The following GNG7 variants were observed in gnomAD, a reference collection of about 807,000 sequenced individuals.
GNG7 encodes guanine nucleotide-binding protein G(I)/G(S)/G(O) subunit gamma-7.
A neutral mutation model predicts 4.0 loss-of-function variants in GNG7; 1 was observed. That is an observed-to-expected ratio of 0.25 (90% CI 0.09 to 1.18). GNG7 has a LOEUF of 1.18. Among genes scored for constraint, GNG7 ranks in the 50% most tolerant of loss-of-function variants. The pLI is 0.50. For synonymous variants in GNG7, 34 were observed against 36.9 expected (o/e 0.92, Z 0.29); for missense variants, 86 against 91.9 (o/e 0.94, Z 0.26).
chr19:2,602,328 C>G (rs2907921), intron 2 of GNG7, among the ~76,000 whole-genome samples: 109,623 of 151,968 alleles, frequency 0.72, 39,597 homozygotes, highest in Middle Eastern at 0.76. Flanking sequence ...CAGAGCGAGA[C>G]TCCGTCTCAA....
chr19:2,694,728 G>A (rs565998610), intron 1 of GNG7, among the ~76,000 whole-genome samples: 21 of 151,816 alleles, frequency 1.4e-4, no homozygotes, highest in South Asian at 2.1e-4. Context: ...ATCATGGGAC[G>A]CGGAGTCTCT....
intron 2 of GNG7, among the ~76,000 whole-genome samples, chr19:2,605,726 A>C (rs532012649): frequency 0.014 from 2,152 of 149,660 alleles, 40 homozygotes; most frequent in African/African-American, 0.043. Flanking sequence ...GTTGGCCAGC[A>C]TGGTCTCGAT....
chr19:2,562,290 C>CTT (rs5826772), intron 2 of GNG7, among the ~76,000 whole-genome samples: 8 of 116,166 alleles, frequency 6.9e-5, no homozygotes, highest in African/African-American at 1.4e-4. Context: ...CTTTTTCTTT[C>CTT]TTTTTTTTTT....
intron 1 of GNG7, among the ~76,000 whole-genome samples, chr19:2,658,261 G>A (rs920012921): frequency 6.6e-6 from 1 of 151,982 alleles, no homozygotes; most frequent in African/African-American, 2.4e-5. Flanking sequence ...CTTACATCTG[G>A]GGTCTGCAAA....
chr19:2,605,560 C>T (rs1184380610), intron 2 of GNG7, among the ~76,000 whole-genome samples: 37 of 123,764 alleles, frequency 3.0e-4, no homozygotes, highest in African/African-American at 1.1e-3. Flanking sequence ...GTTGCCCAGG[C>T]TGGAGTGCAG....
At chr19:2,520,561 C>T in intron 4 of GNG7, 47 bp downstream of exon 4, 6 of 1,084,718 alleles carry the variant, frequency 5.5e-6, no homozygotes, top group Non-Finnish European at 8.3e-6. Flanking sequence ...ATTTGCGGGG[C>T]CCCCAAGGGT....
Position 2,611,008 on chromosome 19 carries a change from G to GGGGC in GNG7, c.-78+35215_-78+35216insGCCC, listed in dbSNP as rs1555697678. 6.5e-5 allele frequency: 7 copies of GGGGC among 107,744 alleles called. No individual in the cohort carries two copies. Among genetic ancestry groups the GGGGC allele is most frequent in the African/African-American group, 3.2e-4 (7 of 21,638 alleles). 6.7% of individuals were successfully genotyped at this position (107,744 alleles called of 1,614,324 possible). On this transcript the variant is annotated intron_variant, in intron 2 of 4. Coordinates refer to ENST00000382159, the MANE Select transcript of GNG7 (RefSeq NM_052847.3). This position sits in a 1 kb window ranked among gnomAD's most constrained non-coding sequence, Gnocchi z 6.0. The stretch of plus-strand genomic sequence containing the variant: ...AACGGGCTCACGTGCCAGGCTCGGG[G>GGGGC]GGGGGGAAGCGTCCTCAACATTCTC...
chr19:2,634,367 A>C lies in GNG7; in HGVS notation c.-78+11857T>G, dbSNP rs1242397523. 6.6e-6 allele frequency among the ~76,000 whole-genome samples: 1 copy of C among 152,144 alleles called. No individual in the cohort carries two copies. Among genetic ancestry groups the C allele is most frequent in the Non-Finnish European group, 1.5e-5 (1 of 68,032 alleles). ...GTCGCGAAAACCACAGATGTCCCAG[A>C]AATTGCTCAGTGTCCCCGGGGTTGG... is the stretch of plus-strand genomic sequence containing the variant. On this transcript the variant is annotated intron_variant, in intron 2 of 4. Transcript: ENST00000382159. This position sits in a 1 kb window ranked among gnomAD's most constrained non-coding sequence, Gnocchi z 5.3.
intron 2 of GNG7, among the ~76,000 whole-genome samples, chr19:2,572,655 A>C (rs1599398785): frequency 4.7e-5 from 6 of 127,266 alleles, no homozygotes; most frequent in African/African-American, 1.2e-4. Flanking sequence ...CTACAGTGGC[A>C]CCTCCTTATC....
chr19:2,551,851 T>A (rs1472419230), intron 3 of GNG7, among the ~76,000 whole-genome samples: 1 of 151,708 alleles, frequency 6.6e-6, no homozygotes, highest in African/African-American at 2.4e-5. Flanking sequence ...GCCCGGCTAA[T>A]TTTTTTTATT....
intron 1 of GNG7, among the ~76,000 whole-genome samples, chr19:2,695,136 A>T (rs999599927): frequency 6.6e-6 from 1 of 151,890 alleles, no homozygotes; most frequent in Non-Finnish European, 1.5e-5. Flanking sequence ...GGCTGAGAAA[A>T]TGTGTGGTGA....
At chr19:2,605,785 G>T (rs571437890) in intron 2 of GNG7, among the ~76,000 whole-genome samples, 15 of 150,878 alleles carry the variant, frequency 9.9e-5, no homozygotes, top group South Asian at 4.2e-4. Context: ...GTGCTGGGAT[G>T]ACAGGTGTGA....
At chr19:2,540,317 A>G (rs1978916845) in intron 3 of GNG7, among the ~76,000 whole-genome samples, 1 of 151,444 alleles carries the variant, frequency 6.6e-6, no homozygotes, top group Admixed American at 6.6e-5. Context: ...TGCCCCCCTA[A>G]TTTTTTAATT....
At chr19:2,516,461 T>A (rs1437867528) in intron 4 of GNG7, among the ~76,000 whole-genome samples, 2 of 152,052 alleles carry the variant, frequency 1.3e-5, no homozygotes, top group Non-Finnish European at 2.9e-5. Context: ...TAACTTCAAG[T>A]GATCCACCTG....
intron 2 of GNG7, among the ~76,000 whole-genome samples, chr19:2,621,003 C>T (rs1194194646): frequency 6.6e-6 from 1 of 152,172 alleles, no homozygotes; most frequent in Admixed American, 6.5e-5. Context: ...AGAGGTGGTA[C>T]GACTCATACA....
At chr19:2,696,010 A>G (rs7248619) in intron 1 of GNG7, among the ~76,000 whole-genome samples, 10,184 of 151,880 alleles carry the variant, frequency 0.067, 635 homozygotes, top group African/African-American at 0.17. Context: ...CATAAAAATT[A>G]TCTGGGTGTG....
At position 2,633,406 on chromosome 19, in the gene GNG7, C is replaced by T. The variant is rs1052529410; in HGVS notation, c.-78+12818G>A. Among the ~76,000 whole-genome samples, 1 of 152,070 alleles carries T rather than the reference C, an allele frequency of 6.6e-6. No individual in the cohort carries two copies. The highest frequency in any genetic ancestry group is 1.5e-5 in the Non-Finnish European group (1 of 68,018). ...CAAGGCTCGATGAATCTGCCGATGA[C>T]CAAGTTGGTGCCTCATCCCTCGTTC... On this transcript the variant is annotated intron_variant, in intron 2 of 4. Coordinates refer to ENST00000382159, the MANE Select transcript of GNG7 (RefSeq NM_052847.3). The surrounding 1 kb of genome is among the most constrained non-coding windows in gnomAD (Gnocchi z 5.9).
At chr19:2,583,194 G>A (rs1252644322) in intron 2 of GNG7, among the ~76,000 whole-genome samples, 3 of 152,152 alleles carry the variant, frequency 2.0e-5, no homozygotes, top group Non-Finnish European at 4.4e-5. Flanking sequence ...GTGGGTGGAG[G>A]ACATTGGAAT....
At chr19:2,549,920 G>A (rs1979261535) in intron 3 of GNG7, among the ~76,000 whole-genome samples, 1 of 152,242 alleles carries the variant, frequency 6.6e-6, no homozygotes, top group Admixed American at 6.5e-5. Context: ...AATGGAGTGT[G>A]TGGTTTTGCT....
Sources: gnomAD v4.1 joint callset for allele counts (sites outside exome capture counted in the v4.1 genomes callset) on GRCh38, gnomAD v4.1.1 for gene constraint, Gnocchi (gnomAD v3.1) non-coding constraint, MANE v1.5 for transcripts, NCBI Gene and HGNC (gene_info 2026-07-23, HGNC 2026-07-21) for gene names.